The following MAST3 variants were observed in gnomAD, a reference collection of about 807,000 sequenced individuals.
MAST3 encodes microtubule-associated serine/threonine-protein kinase 3.
A neutral mutation model predicts 127.0 loss-of-function variants in MAST3; 43 were observed. That is an observed-to-expected ratio of 0.34 (90% CI 0.27 to 0.44). The LOEUF (loss-of-function observed/expected upper bound fraction) is 0.44. Among genes scored for constraint, MAST3 ranks in the 20% least tolerant of loss-of-function variants. The probability of loss-of-function intolerance (pLI) is 1.00; values close to 1 mark genes in which losing one functional copy is unlikely to be tolerated. For missense variants in MAST3, 1,390 were observed against 1,919.1 expected (o/e 0.72, Z 5.15); for synonymous variants, 785 against 809.2 (o/e 0.97, Z 0.51).
At chr19:18,129,021 C>A in intron 13 of MAST3, 70 bp downstream of exon 13, 1 of 1,299,068 alleles carries the variant, frequency 7.7e-7, no homozygotes. Flanking sequence ...CCAGGCAGCT[C>A]CTGCATCCCC....
rs2041698726 is a variant in MAST3 at position 18,134,637 on chromosome 19, G to A, written c.1630G>A (p.Gly544Ser). Reference protein sequence around the residue: ...KLTDFGLSKIGLMSMATNLYE... With the variant: ...KLTDFGLSKISLMSMATNLYE... ...CACGGACTTCGGCCTGTCCAAGATCGGCCTCATGAGCATGGCCACCAACCT... is the reference window on the plus strand; with the variant it reads ...CACGGACTTCGGCCTGTCCAAGATCAGCCTCATGAGCATGGCCACCAACCT... Residue 544 changes from glycine (G) to serine (S), a missense_variant, in exon 16 of 28, where the codon GGC (glycine) becomes AGC (serine). Physicochemically the swap from Gly to Ser is moderately conservative, Grantham distance 56 (BLOSUM62 0). Coordinates refer to ENST00000687212, the MANE Select transcript of MAST3 (RefSeq NM_001393504.1). 1 of 1,613,300 alleles carries A rather than the reference G, an allele frequency of 6.2e-7. No individual in the cohort carries two copies.
chr19:18,132,122 T>G, intron 15 of MAST3, 75 bp downstream of exon 15: 1 of 1,580,216 alleles, frequency 6.3e-7, no homozygotes, highest in Non-Finnish European at 8.6e-7. Context: ...CCAAAGAGGA[T>G]CAGGGCAGAG....
rs1368770490 is a variant in MAST3, at chr19:18,131,439, G to T, written c.1433-470G>T. On this transcript the variant is annotated intron_variant, in intron 14 of 27. Coordinates refer to ENST00000687212, the MANE Select transcript of MAST3 (RefSeq NM_001393504.1). ...AAATAGGCCAGGCGCGGTGGCCAAC[G>T]CCTGTAATCTCAGCACTTTGGGAGG... Among the ~76,000 whole-genome samples the T allele has an allele frequency of 1.4e-5, 2 of 139,406 alleles. 1 individual carries two copies. Among genetic ancestry groups the T allele is most frequent in the Non-Finnish European group, 3.2e-5 (2 of 62,444 alleles). 91.5% of individuals were successfully genotyped at this position (139,406 alleles called of 152,430 possible).
chr19:18,106,348 T>G (rs1180035636), intron 1 of MAST3, among the ~76,000 whole-genome samples: 2 of 151,952 alleles, frequency 1.3e-5, no homozygotes, highest in East Asian at 3.9e-4. Context: ...GCCTCCCAGG[T>G]TCAAGCGATC....
In MAST3 at chr19:18,145,292, C is replaced by G. The variant is rs1380651050; in HGVS notation, c.3039+63C>G. 3 of 1,490,570 alleles carry G rather than the reference C, an allele frequency of 2.0e-6. No individual in the cohort carries two copies. The highest frequency in any genetic ancestry group is 3.4e-5 in the Admixed American group (2 of 59,054). 92.3% of individuals were successfully genotyped at this position (1,490,570 alleles called of 1,614,324 possible). On this transcript the variant is annotated intron_variant, in intron 24 of 27. Transcript: ENST00000687212. The surrounding 1 kb of genome is among the most constrained non-coding windows in gnomAD (Gnocchi z 5.9). Reference sequence around the variant, plus strand: ...AGTTTGACTCTGCCCGGTCATGTCCCTTCTCAGAGCTGCATTTTGGAGCCT... The same window carrying G: ...AGTTTGACTCTGCCCGGTCATGTCCGTTCTCAGAGCTGCATTTTGGAGCCT...
chr19:18,135,900 A>C, intron 18 of MAST3, 59 bp downstream of exon 18: 1 of 1,343,024 alleles, frequency 7.4e-7, no homozygotes, highest in Non-Finnish European at 1.0e-6. Flanking sequence ...GGACCCAGGG[A>C]ATGGAGGGAT....
intron 1 of MAST3, among the ~76,000 whole-genome samples, chr19:18,105,533 T>G (rs914786456): frequency 1.6e-5 from 2 of 127,188 alleles, no homozygotes; most frequent in Non-Finnish European, 3.4e-5. Context: ...ACCCTGTCTC[T>G]TCTAAAAAAA....
Position 18,110,973 on chromosome 19 carries a change from A to G in MAST3, c.161+232A>G, listed in dbSNP as rs117960047. Reference sequence around the variant, plus strand: ...TGACAGGTGGCCAAGGAAAGGGAAGAACTTAAGCTGTTGCCCAAGGACTTC... The same window carrying G: ...TGACAGGTGGCCAAGGAAAGGGAAGGACTTAAGCTGTTGCCCAAGGACTTC... On this transcript the variant is annotated intron_variant, in intron 3 of 27. Coordinates refer to ENST00000687212, the MANE Select transcript of MAST3 (RefSeq NM_001393504.1). The surrounding 1 kb of genome is among the most constrained non-coding windows in gnomAD (Gnocchi z 4.3). 0.024 allele frequency among the ~76,000 whole-genome samples: 3,692 copies of G among 152,256 alleles called. 106 individuals are homozygous for G. The highest frequency in any genetic ancestry group is 0.077 in the Admixed American group (1,176 of 15,284).
intron 1 of MAST3, among the ~76,000 whole-genome samples, chr19:18,102,282 C>T (rs2037703134): frequency 6.6e-6 from 1 of 151,920 alleles, no homozygotes; most frequent in Non-Finnish European, 1.5e-5. Context: ...CGAGTTCAAG[C>T]GATTCTCCTG....
intron 20 of MAST3, among the ~76,000 whole-genome samples, chr19:18,141,557 G>A (rs2042493297): frequency 6.6e-6 from 1 of 151,732 alleles, no homozygotes; most frequent in Non-Finnish European, 1.5e-5. Context: ...ATTTTTAGTA[G>A]AGACGGGTTT....
At chr19:18,115,459 C>T (rs1266311008) in intron 3 of MAST3, among the ~76,000 whole-genome samples, 1 of 151,998 alleles carries the variant, frequency 6.6e-6, no homozygotes, top group Non-Finnish European at 1.5e-5. Context: ...GGTGGCTCAG[C>T]ACGTAGTGAC....
Position 18,149,781 on chromosome 19 carries a change from T to C in MAST3, c.*55T>C. 1 of 1,599,688 alleles carries C rather than the reference T, an allele frequency of 6.3e-7. No homozygotes were observed. The highest frequency in any genetic ancestry group is 1.3e-5 in the African/African-American group (1 of 74,688). ...AGTTACGCGTTTTCTTGTGCAATGT[T>C]TTTTCCGTAAAGTCATGCCTGGATG... is the stretch of plus-strand genomic sequence containing the variant. On this transcript the variant is annotated 3_prime_UTR_variant, in exon 28 of 28. Transcript: ENST00000687212. This position sits in a 1 kb window ranked among gnomAD's most constrained non-coding sequence, Gnocchi z 5.9.
chr19:18,138,226 AAAAG>A (rs1431705918), intron 19 of MAST3, among the ~76,000 whole-genome samples: 1 of 124,644 alleles, frequency 8.0e-6, no homozygotes, highest in East Asian at 2.4e-4. Flanking sequence ...AAAAAAAAAA[AAAAG>A]ATGCGCAATT....
intron 8 of MAST3, 104 bp from the exon 9 acceptor site, chr19:18,123,835 T>C: frequency 9.1e-7 from 1 of 1,097,130 alleles, no homozygotes; most frequent in Non-Finnish European, 1.3e-6. Context: ...GATCGCCCCA[T>C]TGCCCCATCT....
At chr19:18,103,768 T>C (rs2037841414) in intron 1 of MAST3, among the ~76,000 whole-genome samples, 1 of 152,096 alleles carries the variant, frequency 6.6e-6, no homozygotes, top group Admixed American at 6.6e-5. Flanking sequence ...ACTTGTCGGG[T>C]CACACAGTGC....
chr19:18,132,241 A>G (rs1402451210), intron 15 of MAST3, among the ~76,000 whole-genome samples, 194 bp downstream of exon 15: 1 of 152,180 alleles, frequency 6.6e-6, no homozygotes, highest in Non-Finnish European at 1.5e-5. Flanking sequence ...TCTTGTGTGT[A>G]CAGAGGAGAG....
Position 18,137,360 on chromosome 19 carries a change from C to T in MAST3, c.2094C>T (p.Asp698=). 6.2e-7 allele frequency: 1 copy of T among 1,612,974 alleles called. No homozygotes were observed. The change falls in exon 19 of 28, where the codon GAC becomes GAT. Residue 698 remains aspartate, a splice_region_variant and synonymous_variant. Transcript: ENST00000687212. ...LEAEDDTSYF[D]TRSERYRHLG... is the part of the protein sequence containing the mutation. ...CTGAGGATGATACCAGCTACTTTGA[C>T]AGTAAGGAGGGATCCCCCTGGAGGG...
intron 2 of MAST3, chr19:18,109,992 CG>C: frequency 1.0e-6 from 1 of 985,348 alleles, no homozygotes; most frequent in Non-Finnish European, 1.2e-6. Flanking sequence ...CCTTCCCTTC[CG>C]GGGCGCAGCT....
intron 1 of MAST3, among the ~76,000 whole-genome samples, chr19:18,104,437 A>G (rs273504): frequency 0.46 from 69,313 of 151,330 alleles, 16,279 homozygotes; most frequent in African/African-American, 0.54. Flanking sequence ...GGCCTGGGGT[A>G]ACGCCACACC....
Sources: gnomAD v4.1 joint callset for allele counts (sites outside exome capture counted in the v4.1 genomes callset) on GRCh38, gnomAD v4.1.1 for gene constraint, Gnocchi (gnomAD v3.1) non-coding constraint, MANE v1.5 for transcripts, NCBI Gene and HGNC (gene_info 2026-07-23, HGNC 2026-07-21) for gene names.